NRG1: variants seen among roughly 807,000 people sequenced by gnomAD.
NRG1 encodes pro-neuregulin-1, membrane-bound isoform.
In NRG1, 18 loss-of-function variants were observed where a neutral mutation model predicts 63.8. The ratio of observed to expected loss-of-function variants is 0.28; its 90% CI spans 0.19 to 0.42. The LOEUF (loss-of-function observed/expected upper bound fraction) is 0.42. Ranked by LOEUF, NRG1 falls within the 10% of genes least tolerant of loss-of-function variation. The probability of loss-of-function intolerance (pLI) is 1.00; values close to 1 mark genes in which losing one functional copy is unlikely to be tolerated. For missense variants in NRG1, 762 were observed against 814.7 expected (o/e 0.94, Z 0.79); for synonymous variants, 302 against 301.3 (o/e 1.00, Z -0.02).
At position 32,282,183 on chromosome 8, in the gene NRG1, GGTGCATTT is replaced by G. The variant is rs1404972552; in HGVS notation, c.38-313640_38-313633del. Among the ~76,000 whole-genome samples, 3 of 152,268 alleles carry G rather than the reference GGTGCATTT, an allele frequency of 2.0e-5. No individual in the cohort carries two copies. In the East Asian group the frequency reaches 5.8e-4, roughly 29 times the overall value. ...GACACAGGGCACCACAAACACAGGTGGTGCATTTGTGCCTTTGGTGGACAAAGTATCAC... is the reference window on the plus strand; with the variant it reads ...GACACAGGGCACCACAAACACAGGTGGTGCCTTTGGTGGACAAAGTATCAC... On this transcript the variant is annotated intron_variant, in intron 1 of 10. Coordinates refer to the NRG1 transcript ENST00000519301.
intron 5 of NRG1, among the ~76,000 whole-genome samples, chr8:32,668,040 C>G (rs2466091): frequency 0.78 from 118,830 of 151,790 alleles, 48,523 homozygotes; most frequent in East Asian, 1. Context: ...TGGTGGAACC[C>G]CATCTCTGCT....
intron 1 of NRG1, among the ~76,000 whole-genome samples, chr8:32,084,576 A>G (rs1160829754): frequency 6.6e-6 from 1 of 152,204 alleles, no homozygotes; most frequent in Admixed American, 6.5e-5. Context: ...AAAAATTCTT[A>G]AGAGATGCCA....
chr8:32,664,624 AATGATG>A (rs60514534), intron 5 of NRG1, among the ~76,000 whole-genome samples: 30 of 151,600 alleles, frequency 2.0e-4, no homozygotes, highest in South Asian at 6.3e-4. Flanking sequence ...ATGGTGTAGA[AATGATG>A]ATGATGATGA....
rs529810085 is a variant in NRG1, at chr8:31,831,625, T to A, written c.37+192194T>A. Among the ~76,000 whole-genome samples, 4 of 152,152 alleles carry A rather than the reference T, an allele frequency of 2.6e-5. No individual in the cohort carries two copies. In the East Asian group the frequency reaches 7.7e-4, roughly 29 times the overall value. On this transcript the variant is annotated intron_variant, in intron 1 of 10. Transcript: ENST00000519301. Reference sequence around the variant, plus strand: ...GAAACATCTGGAACTAGTGACAGGGTCAATTTTGGGTATTCTCTCTCTATG... The same window carrying A: ...GAAACATCTGGAACTAGTGACAGGGACAATTTTGGGTATTCTCTCTCTATG...
chr8:32,378,854 G>A lies in NRG1; in HGVS notation c.38-216974G>A, dbSNP rs181931169. Among the ~76,000 whole-genome samples the A allele has an allele frequency of 4.6e-3, 681 of 148,452 alleles. 2 individuals carry two copies. Among genetic ancestry groups the A allele is most frequent in the Middle Eastern group, 0.029 (8 of 280 alleles). The stretch of plus-strand genomic sequence containing the variant: ...CTCATTGTTCAATTCCCACCTATGA[G>A]TGAGAAAATGCGGTGTTTGGCTTTT... On this transcript the variant is annotated intron_variant, in intron 1 of 10. Coordinates refer to the NRG1 transcript ENST00000519301.
At chr8:31,852,380 T>C (rs1393687019) in intron 1 of NRG1, among the ~76,000 whole-genome samples, 1 of 152,026 alleles carries the variant, frequency 6.6e-6, no homozygotes, top group Non-Finnish European at 1.5e-5. Context: ...CATTTTTTCA[T>C]GTGTTTTTTG....
intron 1 of NRG1, among the ~76,000 whole-genome samples, chr8:32,314,693 G>T (rs1317753380): frequency 6.6e-6 from 1 of 152,262 alleles, no homozygotes; most frequent in Admixed American, 6.5e-5. Flanking sequence ...ACGAGGAAGG[G>T]AGCACATTTC....
intron 1 of NRG1, among the ~76,000 whole-genome samples, chr8:32,020,979 C>T (rs1395197980): frequency 3.9e-5 from 6 of 152,152 alleles, no homozygotes; most frequent in African/African-American, 1.2e-4. Context: ...AGGCAACTAG[C>T]ATAATGCCTT....
At chr8:32,464,185 C>T (rs1257080974) in intron 1 of NRG1, among the ~76,000 whole-genome samples, 1 of 151,788 alleles carries the variant, frequency 6.6e-6, no homozygotes, top group Non-Finnish European at 1.5e-5. Context: ...TGAGCCATCA[C>T]GCCTGGCTAA....
At chr8:32,770,264 A>T (rs916251586), downstream of NRG1, among the ~76,000 whole-genome samples, 1 of 152,190 alleles carries the variant, frequency 6.6e-6, no homozygotes, top group African/African-American at 2.4e-5. Flanking sequence ...GGCTTAAAAC[A>T]TCCTTTATCT....
intron 1 of NRG1, among the ~76,000 whole-genome samples, chr8:32,006,505 A>G (rs529757230): frequency 6.6e-6 from 1 of 152,178 alleles, no homozygotes; most frequent in Admixed American, 6.5e-5. Context: ...ATCTAATCAC[A>G]GAAGCTGTTC....
chr8:31,732,014 C>G (rs530668677), intron 1 of NRG1, among the ~76,000 whole-genome samples: 15 of 152,272 alleles, frequency 9.9e-5, no homozygotes, highest in African/African-American at 3.4e-4. Flanking sequence ...CATCCTCTTT[C>G]TCTTTTTCCT....
chr8:32,744,581 A>G (rs1392035238), intron 7 of NRG1, among the ~76,000 whole-genome samples: 1 of 152,154 alleles, frequency 6.6e-6, no homozygotes, highest in East Asian at 1.9e-4. Flanking sequence ...TTTAAATAAC[A>G]TAGACTCAGC....
At chr8:32,703,020 T>G (rs2128963659) in intron 5 of NRG1, among the ~76,000 whole-genome samples, 1 of 152,298 alleles carries the variant, frequency 6.6e-6, no homozygotes, top group Middle Eastern at 3.4e-3. Context: ...TTCATGTTGG[T>G]TTTCCTTAAA....
chr8:32,048,086 T>A (rs532280302), intron 1 of NRG1, among the ~76,000 whole-genome samples: 44 of 152,088 alleles, frequency 2.9e-4, no homozygotes, highest in African/African-American at 9.4e-4. Context: ...GATTTCCTTC[T>A]TTATTACAGT....
At chr8:32,285,226 T>C (rs1853387610) in intron 1 of NRG1, among the ~76,000 whole-genome samples, 1 of 152,122 alleles carries the variant, frequency 6.6e-6, no homozygotes, top group African/African-American at 2.4e-5. Context: ...TTAGCCCAAA[T>C]GCATCACCTG....
chr8:31,879,845 T>C (rs1830211721), intron 1 of NRG1, among the ~76,000 whole-genome samples: 1 of 152,210 alleles, frequency 6.6e-6, no homozygotes, highest in African/African-American at 2.4e-5. Flanking sequence ...TTGCTAAGGA[T>C]GATGGCCTCC....
intron 1 of NRG1, among the ~76,000 whole-genome samples, chr8:31,902,093 G>A (rs1236386857): frequency 6.6e-6 from 1 of 151,978 alleles, no homozygotes; most frequent in Non-Finnish European, 1.5e-5. Context: ...AAAAAAAGTG[G>A]GTGAGATGGT....
chr8:32,410,176 C>CTTTTTTTTTTTTTTT (rs374377158), intron 1 of NRG1, among the ~76,000 whole-genome samples: 2 of 99,308 alleles, frequency 2.0e-5, no homozygotes, highest in Non-Finnish European at 3.9e-5. Flanking sequence ...TTTTTCTTTC[C>CTTTTTTTTTTTTTTT]TTTTTTTTTT....
Sources: gnomAD v4.1 joint callset for allele counts (sites outside exome capture counted in the v4.1 genomes callset) on GRCh38, gnomAD v4.1.1 for gene constraint, MANE v1.5 for transcripts, NCBI Gene and HGNC (gene_info 2026-07-23, HGNC 2026-07-21) for gene names.